MICALL2: variants seen among roughly 807,000 people sequenced by gnomAD.
MICALL2 encodes MICAL like 2.
A neutral mutation model predicts 91.1 loss-of-function variants in MICALL2; 111 were observed. The ratio of observed to expected loss-of-function variants is 1.22; its 90% CI spans 1.04 to 1.43. MICALL2 has a LOEUF of 1.43. Ranked by LOEUF, MICALL2 falls within the 40% of genes most tolerant of loss-of-function variation. The pLI is 0.00. For missense variants in MICALL2, 1,556 were observed against 1,236.0 expected (o/e 1.26, Z -3.88); for synonymous variants, 694 against 525.3 (o/e 1.32, Z -4.39).
rs896259589 is a variant in MICALL2, at chr7:1,446,845, C to A, written c.526-17G>T. On this transcript the variant is annotated splice_polypyrimidine_tract_variant and intron_variant, in intron 4 of 16. Coordinates refer to ENST00000297508, the MANE Select transcript of MICALL2 (RefSeq NM_182924.4). ...TGCCTGGTCCTGGGGAAGATGCCAGCACCTCTCTGAGCAGCCGTCCACCCA... is the reference window on the plus strand; with the variant it reads ...TGCCTGGTCCTGGGGAAGATGCCAGAACCTCTCTGAGCAGCCGTCCACCCA... 1 of 1,539,842 alleles carries A rather than the reference C, an allele frequency of 6.5e-7. No homozygotes were observed.
In MICALL2 at chr7:1,438,106, C is replaced by A. The variant is rs1020272185; in HGVS notation, c.2302G>T (p.Ala768Ser). ...GVELEKRLRA[A>S]EGDDAEDSLM... ...AGGCCGAGGCGCTCACCTCCCTCGGCCGCCCGCAGTCGCTTCTCCAGCTCC... is the reference window on the plus strand; with the variant it reads ...AGGCCGAGGCGCTCACCTCCCTCGGACGCCCGCAGTCGCTTCTCCAGCTCC... The change falls in exon 12 of 17, where the codon GCC becomes TCC. Residue 768 changes from alanine to serine, a missense_variant. Coordinates refer to ENST00000297508, the MANE Select transcript of MICALL2 (RefSeq NM_182924.4). 1.9e-6 allele frequency: 3 copies of A among 1,565,982 alleles called. No individual in the cohort carries two copies. The highest frequency in any genetic ancestry group is 1.4e-5 in the African/African-American group (1 of 74,020).
At chr7:1,448,984 G>GAC (rs1780718315) in intron 2 of MICALL2, among the ~76,000 whole-genome samples, 1 of 152,258 alleles carries the variant, frequency 6.6e-6, no homozygotes, top group African/African-American at 2.4e-5. Context: ...CCAGGCCGGT[G>GAC]GGCGCTCAAG....
intron 15 of MICALL2, among the ~76,000 whole-genome samples, chr7:1,436,456 G>A (rs564610315): frequency 6.7e-6 from 1 of 150,304 alleles, no homozygotes; most frequent in African/African-American, 2.5e-5. Context: ...GAGAAGCTGA[G>A]GCAAGAGAAT....
At chr7:1,438,035 G>A (rs1780062398) in intron 12 of MICALL2, 55 bp from the exon 13 acceptor site, 6 of 1,558,280 alleles carry the variant, frequency 3.9e-6, no homozygotes, top group African/African-American at 2.7e-5. Flanking sequence ...ATGGCCCCCA[G>A]CCCCAGGACT....
At position 1,453,611 on chromosome 7, in the gene MICALL2, G is replaced by C. The variant is rs76782266; in HGVS notation, c.144-3323C>G. Among the ~76,000 whole-genome samples the C allele has an allele frequency of 2.4e-3, 368 of 152,296 alleles. 4 individuals are homozygous for C. In the South Asian group the frequency reaches 0.03, roughly 12 times the overall value. On this transcript the variant is annotated intron_variant, in intron 1 of 16. Coordinates refer to ENST00000297508, the MANE Select transcript of MICALL2 (RefSeq NM_182924.4). The stretch of plus-strand genomic sequence containing the variant: ...GCATCAGCTTCCCCCCACTCAGCAA[G>C]TGACCAGCTACCCATGGTGAGACGG...
In MICALL2 at chr7:1,455,551, G is replaced by A. The variant is rs117264700; in HGVS notation, c.143+3633C>T. On this transcript the variant is annotated intron_variant, in intron 1 of 16. Transcript: ENST00000297508. ...AGCGGAGATTCACGGACACCTCTCT[G>A]TACCTGTGGGGCTCCCCAGTGTGGT... 3.1e-3 allele frequency among the ~76,000 whole-genome samples: 472 copies of A among 152,210 alleles called. 13 individuals are homozygous for A. The highest frequency in any genetic ancestry group is 0.028 in the South Asian group (135 of 4,832).
intron 15 of MICALL2, among the ~76,000 whole-genome samples, chr7:1,436,401 A>G (rs1359010152): frequency 1.3e-5 from 2 of 151,420 alleles, no homozygotes; most frequent in Non-Finnish European, 2.9e-5. Context: ...CAAAAACAAA[A>G]AATTAGCCGG....
intron 6 of MICALL2, among the ~76,000 whole-genome samples, chr7:1,444,261 G>A (rs950248081): frequency 7.0e-6 from 1 of 142,216 alleles, no homozygotes; most frequent in Non-Finnish European, 1.5e-5. Flanking sequence ...TCCCGCTCGC[G>A]GCCTGTCCCC....
At position 1,439,971 on chromosome 7, in the gene MICALL2, C is replaced by T. The variant is rs916326696; in HGVS notation, c.1920G>A (p.Arg640=). 1 of 1,521,470 alleles carries T rather than the reference C, an allele frequency of 6.6e-7. No homozygotes were observed. The highest frequency in any genetic ancestry group is 8.7e-7 in the Non-Finnish European group (1 of 1,144,632). The allele number at this position is 1,521,470 out of a possible 1,614,324, so 94.2% of individuals were successfully genotyped here. The change falls in exon 9 of 17, where the codon AGG becomes AGA. Residue 640 remains arginine (R), a synonymous_variant. Transcript: ENST00000297508. ...GSVHITLTPV[R]PDRTPRPASP... is the part of the protein sequence containing the mutation. ...TGGCTGGGCGTGGGGTCCTGTCAGG[C>T]CTCACGGGGGTCAGGGTGATGTGGA... is the stretch of plus-strand genomic sequence containing the variant.
chr7:1,445,262 A>C lies in MICALL2; in HGVS notation c.808T>G (p.Ser270Ala). The change falls in exon 6 of 17, where the codon TCC becomes GCC. Residue 270 changes from serine (S) to alanine (A), a missense_variant. Ser to Ala is a moderately conservative substitution (Grantham distance 99). Coordinates refer to ENST00000297508, the MANE Select transcript of MICALL2 (RefSeq NM_182924.4). ...PGAMGVDSRTSCSPQKAQEAN... is the reference protein window; with the variant it reads ...PGAMGVDSRTACSPQKAQEAN... Reference sequence around the variant, plus strand: ...TCCTGGGCCTTCTGTGGGGAACAGGAGGTCCTGGAATCCACACCCATGGCC... The same window carrying C: ...TCCTGGGCCTTCTGTGGGGAACAGGCGGTCCTGGAATCCACACCCATGGCC... 7 of 1,612,432 alleles carry C rather than the reference A, an allele frequency of 4.3e-6. No individual in the cohort carries two copies. Among genetic ancestry groups the C allele is most frequent in the Non-Finnish European group, 5.9e-6 (7 of 1,179,842 alleles).
At position 1,439,953 on chromosome 7, in the gene MICALL2, G is replaced by C; in HGVS notation, c.1938C>G (p.Arg646=). 2 of 1,498,488 alleles carry C rather than the reference G, an allele frequency of 1.3e-6. No individual in the cohort carries two copies. Among genetic ancestry groups the C allele is most frequent in the Non-Finnish European group, 1.8e-6 (2 of 1,132,428 alleles). The allele number at this position is 1,498,488 out of a possible 1,614,324, so 92.8% of individuals were successfully genotyped here. ...GGAGGCTGGGTCCTGGGCTGGCTGG[G>C]CGTGGGGTCCTGTCAGGCCTCACGG... ...LTPVRPDRTP[R]PASPGPSLPA... The change falls in exon 9 of 17, where the codon CGC becomes CGG. Residue 646 remains arginine, a synonymous_variant. Coordinates refer to ENST00000297508, the MANE Select transcript of MICALL2 (RefSeq NM_182924.4).
chr7:1,439,355 A>G, intron 9 of MICALL2: 2 of 252,086 alleles, frequency 7.9e-6, no homozygotes, highest in South Asian at 9.1e-5. Flanking sequence ...CATGCATCAC[A>G]TTCATGAAAC....
rs1344759432 is a variant in MICALL2, at chr7:1,436,752, C to T, written c.2581G>A (p.Asp861Asn). The change falls in exon 15 of 17, where the codon GAC becomes AAC. Residue 861 changes from aspartate to asparagine, a missense_variant. Transcript: ENST00000297508. Reference sequence around the variant, plus strand: ...GCACCTGCCCCTCACCGGAGCCGGTCCTCGTCCAGCGAGTCCACGATGTCA... The same window carrying T: ...GCACCTGCCCCTCACCGGAGCCGGTTCTCGTCCAGCGAGTCCACGATGTCA... Reference protein sequence around the residue: ...RSDIVDSLDEDRLREQEEDQM... With the variant: ...RSDIVDSLDENRLREQEEDQM... 6.2e-7 allele frequency: 1 copy of T among 1,605,622 alleles called. No individual in the cohort carries two copies. Among genetic ancestry groups the T allele is most frequent in the East Asian group, 2.3e-5 (1 of 44,404 alleles).
chr7:1,442,424 T>TG lies in MICALL2; in HGVS notation c.1478dup (p.Ser494LysfsTer71), dbSNP rs766636079. The TG allele has an allele frequency of 1.3e-6, 2 of 1,568,416 alleles. No homozygotes were observed. Among genetic ancestry groups the TG allele is most frequent in the Non-Finnish European group, 1.7e-6 (2 of 1,155,830 alleles). On this transcript the variant is annotated frameshift_variant, in exon 7 of 17. Coordinates refer to ENST00000297508, the MANE Select transcript of MICALL2 (RefSeq NM_182924.4). LOFTEE classifies it high-confidence loss of function. The stretch of plus-strand genomic sequence containing the variant: ...ACTGTAACGGCTTGGCTAAGGGACT[T>TG]GCTTGTGGTGCTTCAGTTTTGGGCT...
Position 1,448,761 on chromosome 7 carries a change from C to T in MICALL2, c.193G>A (p.Ala65Thr). The T allele has an allele frequency of 1.2e-6, 2 of 1,612,454 alleles. No homozygotes were observed. The highest frequency in any genetic ancestry group is 1.7e-6 in the Non-Finnish European group (2 of 1,179,828). ...KENIYENNKL[A>T]FRVAEEHLGI... ...AAGTGCTCCTCGGCCACGCGGAAGGCCTGCGAAAGGTGGGAGGGGGTCAGC... is the reference window on the plus strand; with the variant it reads ...AAGTGCTCCTCGGCCACGCGGAAGGTCTGCGAAAGGTGGGAGGGGGTCAGC... Residue 65 changes from alanine to threonine, a missense_variant and splice_region_variant, in exon 3 of 17, where the codon GCC (alanine) becomes ACC (threonine). Coordinates refer to ENST00000297508, the MANE Select transcript of MICALL2 (RefSeq NM_182924.4).
chr7:1,439,856 C>A (rs755636147), intron 9 of MICALL2, 69 bp downstream of exon 9: 14 of 1,338,394 alleles, frequency 1.0e-5, no homozygotes, highest in Non-Finnish European at 8.7e-6. Context: ...GGTCCAGTCC[C>A]GGGGCCCCCA....
intron 15 of MICALL2, among the ~76,000 whole-genome samples, chr7:1,435,786 G>A (rs1046312283): frequency 3.9e-5 from 6 of 152,242 alleles, no homozygotes; most frequent in African/African-American, 1.4e-4. Context: ...CGGGCACGGT[G>A]GCTCACACCT....
intron 8 of MICALL2, chr7:1,440,298 C>A (rs1013481375): frequency 2.0e-5 from 13 of 657,780 alleles, no homozygotes; most frequent in Non-Finnish European, 3.3e-5. Flanking sequence ...AGATTCCAGG[C>A]GTGAGCTCCG....
In MICALL2 at chr7:1,451,828, C is replaced by T. The variant is rs1265219921; in HGVS notation, c.144-1540G>A. Among the ~76,000 whole-genome samples, 1 of 152,216 alleles carries T rather than the reference C, an allele frequency of 6.6e-6. No homozygotes were observed. On this transcript the variant is annotated intron_variant, in intron 1 of 16. Coordinates refer to ENST00000297508, the MANE Select transcript of MICALL2 (RefSeq NM_182924.4). The surrounding 1 kb of genome is among the most constrained non-coding windows in gnomAD (Gnocchi z 4.5). ...GTGGGGGCCGAGACCCCTGTGGCCA[C>T]GCAGCCTGGGCGGCCTAGTTCTGAG...
Sources: gnomAD v4.1 joint callset for allele counts (sites outside exome capture counted in the v4.1 genomes callset) on GRCh38, gnomAD v4.1.1 for gene constraint, Gnocchi (gnomAD v3.1) non-coding constraint, MANE v1.5 for transcripts, NCBI Gene and HGNC (gene_info 2026-07-23, HGNC 2026-07-21) for gene names.